The following NEMP2 variants were observed in gnomAD, a reference collection of about 807,000 sequenced individuals.
NEMP2 encodes UPF0571 transmembrane protein.
Under a neutral mutation model 54.2 loss-of-function variants are expected in NEMP2, and 53 were observed. That is an observed-to-expected ratio of 0.98 (90% confidence interval 0.78 to 1.23). NEMP2 has a LOEUF of 1.23. NEMP2 is among the 50% of genes most tolerant of loss of function. The pLI is 0.00. For missense variants in NEMP2, 455 were observed against 511.3 expected, an observed-to-expected ratio of 0.89 and a Z score of 1.06; for synonymous variants, 197 against 190.3, an observed-to-expected ratio of 1.04 and a Z score of -0.29.
At chr2:190,578,211 C>T in the NEMP2 span, among the ~76,000 whole-genome samples, 1 of 152,188 alleles carries the variant, frequency 6.6e-6, no homozygotes, top group Non-Finnish European at 1.5e-5. This position sits in a 1 kb window ranked among gnomAD's most constrained non-coding sequence, Gnocchi z 4.4. Context: ...AAACTTGCAA[C>T]AGAATTAGAG....
At chr2:190,480,232 C>T in the NEMP2 span, among the ~76,000 whole-genome samples, 1 of 152,184 alleles carries the variant, frequency 6.6e-6, no homozygotes, top group African/African-American at 2.4e-5. Context: ...GGAAGAAATA[C>T]TAGTTTTATT....
the NEMP2 span, among the ~76,000 whole-genome samples, chr2:190,573,425 T>G: frequency 1.3e-5 from 2 of 152,176 alleles, no homozygotes; most frequent in Non-Finnish European, 2.9e-5. Flanking sequence ...TCCAGGTATA[T>G]GTTTTAAAAG....
At chr2:190,457,195 G>T in the NEMP2 span, among the ~76,000 whole-genome samples, 1 of 152,164 alleles carries the variant, frequency 6.6e-6, no homozygotes, top group African/African-American at 2.4e-5. The surrounding 1 kb of genome is among the most constrained non-coding windows in gnomAD (Gnocchi z 5.1). Flanking sequence ...AAAGAGCATG[G>T]TCTGGCAGGG....
the NEMP2 span, among the ~76,000 whole-genome samples, chr2:190,583,383 G>A: frequency 2.0e-5 from 3 of 151,994 alleles, no homozygotes; most frequent in African/African-American, 7.3e-5. Flanking sequence ...TTTCAGCCAG[G>A]GTGACTCTGA....
the NEMP2 span, among the ~76,000 whole-genome samples, chr2:190,486,985 T>C: frequency 3.2e-4 from 49 of 152,318 alleles, no homozygotes; most frequent in African/African-American, 1.2e-3. Flanking sequence ...CCATAAATGG[T>C]GAAGATATAA....
At chr2:190,556,565 T>C in the NEMP2 span, among the ~76,000 whole-genome samples, 1 of 152,190 alleles carries the variant, frequency 6.6e-6, no homozygotes, top group Non-Finnish European at 1.5e-5. Flanking sequence ...GACATGATTG[T>C]ATCTTTAGAA....
chr2:190,433,647 C>G, the NEMP2 span, among the ~76,000 whole-genome samples: 1 of 151,822 alleles, frequency 6.6e-6, no homozygotes, highest in East Asian at 1.9e-4. The surrounding 1 kb of genome is among the most constrained non-coding windows in gnomAD (Gnocchi z 4.5). Context: ...CCTAAAAAAC[C>G]GACATGAACA....
At chr2:190,537,903 T>C (rs749205688), upstream of NEMP2, among the ~76,000 whole-genome samples, 3 of 152,132 alleles carry the variant, frequency 2.0e-5, no homozygotes, top group Admixed American at 1.3e-4. Flanking sequence ...AAAAATAGTA[T>C]CATGGGCTGC....
the NEMP2 span, among the ~76,000 whole-genome samples, chr2:190,645,174 C>A: frequency 1.3e-5 from 2 of 152,068 alleles, no homozygotes; most frequent in Non-Finnish European, 1.5e-5. Flanking sequence ...CTCTGTCTTG[C>A]CCTTACTTTT....
At chr2:190,614,930 G>A in the NEMP2 span, among the ~76,000 whole-genome samples, 31 of 152,306 alleles carry the variant, frequency 2.0e-4, no homozygotes, top group African/African-American at 5.5e-4. This position sits in a 1 kb window ranked among gnomAD's most constrained non-coding sequence, Gnocchi z 5.7. Flanking sequence ...GGTTTAAGCC[G>A]TGAAGGAGAT....
the NEMP2 span, among the ~76,000 whole-genome samples, chr2:190,635,307 C>G: frequency 6.6e-6 from 1 of 152,226 alleles, no homozygotes; most frequent in African/African-American, 2.4e-5. This position sits in a 1 kb window ranked among gnomAD's most constrained non-coding sequence, Gnocchi z 4.1. Flanking sequence ...GCCTACAACT[C>G]TTGGGCTCAA....
In NEMP2 at chr2:190,504,872, A is replaced by AC. The variant is rs1398381616; in HGVS notation, c.*4316dup. The AC allele has an allele frequency of 2.0e-5, 3 of 152,326 alleles. No homozygotes were observed. In the East Asian group the frequency reaches 5.8e-4, roughly 29 times the overall value. The allele number at this position is 152,326 out of a possible 1,614,324, so 9.4% of individuals were successfully genotyped here. ...GCTGTCAAACTACTGCTGGTATGTGACAACATAGAAATTAGACATTTCAAA... is the reference window on the plus strand; with the variant it reads ...GCTGTCAAACTACTGCTGGTATGTGACCAACATAGAAATTAGACATTTCAAA... On this transcript the variant is annotated 3_prime_UTR_variant, in exon 9 of 9. Coordinates refer to ENST00000409150, the MANE Select transcript of NEMP2 (RefSeq NM_001142645.2). This position sits in a 1 kb window ranked among gnomAD's most constrained non-coding sequence, Gnocchi z 5.6.
the NEMP2 span, among the ~76,000 whole-genome samples, chr2:190,541,418 G>A: frequency 1.3e-5 from 2 of 151,920 alleles, no homozygotes; most frequent in Non-Finnish European, 2.9e-5. The surrounding 1 kb of genome is among the most constrained non-coding windows in gnomAD (Gnocchi z 5.2). Flanking sequence ...ATAGATTTTG[G>A]TATGTTGTAT....
At chr2:190,635,401 G>A in the NEMP2 span, among the ~76,000 whole-genome samples, 3 of 152,118 alleles carry the variant, frequency 2.0e-5, no homozygotes, top group African/African-American at 7.2e-5. This position sits in a 1 kb window ranked among gnomAD's most constrained non-coding sequence, Gnocchi z 4.1. Flanking sequence ...TTTTTGTAGA[G>A]CAGGGCCTTG....
chr2:190,467,719 T>C, the NEMP2 span, among the ~76,000 whole-genome samples: 1 of 152,166 alleles, frequency 6.6e-6, no homozygotes, highest in Non-Finnish European at 1.5e-5. This position sits in a 1 kb window ranked among gnomAD's most constrained non-coding sequence, Gnocchi z 5.5. Context: ...GAACTAAGAA[T>C]AATAGTTTCT....
the NEMP2 span, among the ~76,000 whole-genome samples, chr2:190,583,231 CTTTTT>C: frequency 1.4e-5 from 2 of 141,696 alleles, no homozygotes; most frequent in East Asian, 4.1e-4. Flanking sequence ...AGTCATAGGT[CTTTTT>C]TTTTTTTTTT....
In NEMP2 at chr2:190,528,720, G is replaced by C. The variant is rs12613768; in HGVS notation, c.98-3342C>G. On this transcript the variant is annotated intron_variant, in intron 1 of 8. Transcript: ENST00000409150. The surrounding 1 kb of genome is among the most constrained non-coding windows in gnomAD (Gnocchi z 4.3). ...AACAGTTCCCTTTTGTTAATGGTCT[G>C]AGGAAATAACCTTTTGGTGGGGCCT... 0.2 allele frequency among the ~76,000 whole-genome samples: 29,945 copies of C among 152,060 alleles called. 3,826 individuals are homozygous for C. Among genetic ancestry groups the C allele is most frequent in the Admixed American group, 0.4 (6,166 of 15,270 alleles).
chr2:190,579,523 G>C, the NEMP2 span, among the ~76,000 whole-genome samples: 1 of 152,024 alleles, frequency 6.6e-6, no homozygotes, highest in Non-Finnish European at 1.5e-5. Flanking sequence ...TAGGACTATA[G>C]TGTGCTTAAG....
the NEMP2 span, among the ~76,000 whole-genome samples, chr2:190,564,381 C>T: frequency 6.6e-6 from 1 of 152,192 alleles, no homozygotes; most frequent in Non-Finnish European, 1.5e-5. The surrounding 1 kb of genome is among the most constrained non-coding windows in gnomAD (Gnocchi z 4.2). Flanking sequence ...CTTCAGATCC[C>T]TGGCATTTTA....
Sources: gnomAD v4.1 joint callset for allele counts (sites outside exome capture counted in the v4.1 genomes callset) on GRCh38, gnomAD v4.1.1 for gene constraint, Gnocchi (gnomAD v3.1) non-coding constraint, MANE v1.5 for transcripts, NCBI Gene and HGNC (gene_info 2026-07-23, HGNC 2026-07-21) for gene names.